Variants in PALM2AKAP2 observed in about 807,000 individuals in gnomAD.
PALM2AKAP2 encodes the protein PALM2-AKAP2 fusion protein.
A neutral mutation model predicts 71.5 loss-of-function variants in PALM2AKAP2; 37 were observed. The observed-to-expected ratio is 0.52, with a 90% CI of 0.40 to 0.68. PALM2AKAP2 has a LOEUF of 0.68. PALM2AKAP2 is among the 30% of genes least tolerant of loss of function. The pLI is 0.00. For missense variants in PALM2AKAP2, 1,224 were observed against 1,191.8 expected (o/e 1.03, Z -0.40); for synonymous variants, 468 against 478.8 (o/e 0.98, Z 0.29).
chr9:109,971,314 T>TTTTTTC (rs1832063840), intron 6 of PALM2AKAP2, among the ~76,000 whole-genome samples: 2 of 118,262 alleles, frequency 1.7e-5, no homozygotes, highest in East Asian at 2.6e-4. Context: ...TTTTTTTTTT[T>TTTTTTC]ACAGAGAAAA....
At chr9:110,162,474 C>T (rs1311830601) in intron 3 of PALM2AKAP2, among the ~76,000 whole-genome samples, 1 of 152,134 alleles carries the variant, frequency 6.6e-6, no homozygotes. Context: ...GCATTAATAG[C>T]AAGTATACTT....
chr9:110,125,438 G>A, intron 1 of PALM2AKAP2: 1 of 933,428 alleles, frequency 1.1e-6, no homozygotes, highest in South Asian at 4.9e-5. Flanking sequence ...TGTGTGAATG[G>A]CCTTTTAGGG....
intron 5 of PALM2AKAP2, among the ~76,000 whole-genome samples, chr9:109,928,411 C>G (rs193049793): frequency 6.6e-6 from 1 of 152,190 alleles, no homozygotes; most frequent in Non-Finnish European, 1.5e-5. Context: ...TAAGTTACTG[C>G]TTTCCACCTT....
intron 1 of PALM2AKAP2, among the ~76,000 whole-genome samples, chr9:109,675,644 C>A (rs1451914483): frequency 6.6e-6 from 1 of 152,186 alleles, no homozygotes; most frequent in African/African-American, 2.4e-5. Context: ...TGTAACATTG[C>A]AGTCAACTAG....
intron 1 of PALM2AKAP2, among the ~76,000 whole-genome samples, chr9:109,764,781 T>C (rs1391631014): frequency 6.6e-6 from 1 of 151,362 alleles, no homozygotes; most frequent in Non-Finnish European, 1.5e-5. Flanking sequence ...GATGGATGCA[T>C]GGGTAGATGA....
intron 6 of PALM2AKAP2, among the ~76,000 whole-genome samples, chr9:109,986,672 T>C (rs1832384554): frequency 6.6e-6 from 1 of 152,250 alleles, no homozygotes; most frequent in Non-Finnish European, 1.5e-5. Flanking sequence ...GACATTCTCT[T>C]GTATTATTTT....
intron 1 of PALM2AKAP2, among the ~76,000 whole-genome samples, chr9:109,708,385 C>T (rs1022024791): frequency 6.6e-6 from 1 of 152,186 alleles, no homozygotes; most frequent in African/African-American, 2.4e-5. Flanking sequence ...ATTGAATTCA[C>T]TCTTCATATT....
intron 1 of PALM2AKAP2, among the ~76,000 whole-genome samples, chr9:109,790,970 T>G (rs1827097424): frequency 6.6e-6 from 1 of 152,242 alleles, no homozygotes; most frequent in South Asian, 2.1e-4. Context: ...GTCTTGTTCA[T>G]GAACATTGAT....
intron 6 of PALM2AKAP2, among the ~76,000 whole-genome samples, chr9:110,000,736 T>A (rs1367796786): frequency 6.6e-6 from 1 of 152,232 alleles, no homozygotes; most frequent in Non-Finnish European, 1.5e-5. Context: ...CTCATTGTAG[T>A]TTTGATTTGC....
intron 1 of PALM2AKAP2, among the ~76,000 whole-genome samples, chr9:109,681,762 C>G (rs562588762): frequency 1.7e-4 from 26 of 152,228 alleles, no homozygotes; most frequent in Admixed American, 1.5e-3. Flanking sequence ...AAACCACATA[C>G]CAATTGTATA....
intron 1 of PALM2AKAP2, among the ~76,000 whole-genome samples, chr9:109,811,408 T>C (rs1321316147): frequency 2.0e-5 from 3 of 152,090 alleles, no homozygotes; most frequent in Admixed American, 6.6e-5. Flanking sequence ...AAGAGTGCTA[T>C]GCTTTATTTG....
At chr9:109,821,828 G>GCT (rs1828015026) in intron 1 of PALM2AKAP2, among the ~76,000 whole-genome samples, 1 of 152,142 alleles carries the variant, frequency 6.6e-6, no homozygotes, top group East Asian at 1.9e-4. Context: ...TTCTCTTAGG[G>GCT]ATCTTTGTAA....
intron 5 of PALM2AKAP2, 72 bp downstream of exon 5, chr9:109,925,154 G>T: frequency 6.2e-7 from 1 of 1,600,852 alleles, no homozygotes. Flanking sequence ...CATTAACAGG[G>T]GCTTAAGGAA....
chr9:109,726,916 A>C (rs1395915505), intron 1 of PALM2AKAP2, among the ~76,000 whole-genome samples: 1 of 152,202 alleles, frequency 6.6e-6, no homozygotes, highest in Non-Finnish European at 1.5e-5. Context: ...CCGGACAGTG[A>C]GATTTAGAAC....
intron 1 of PALM2AKAP2, among the ~76,000 whole-genome samples, chr9:109,735,152 T>C (rs954873872): frequency 8.7e-5 from 13 of 149,990 alleles, no homozygotes; most frequent in Non-Finnish European, 7.4e-5. Flanking sequence ...GTTCTCTGTG[T>C]CTTTGACTCT....
intron 1 of PALM2AKAP2, among the ~76,000 whole-genome samples, chr9:110,108,495 G>A (rs766033917): frequency 6.6e-6 from 1 of 152,116 alleles, no homozygotes; most frequent in African/African-American, 2.4e-5. Flanking sequence ...AAATGGAATA[G>A]GGTAGTTATT....
chr9:109,766,892 C>G (rs62578102), intron 1 of PALM2AKAP2, among the ~76,000 whole-genome samples: 2 of 151,974 alleles, frequency 1.3e-5, no homozygotes, highest in Admixed American at 6.6e-5. Flanking sequence ...ATGGAGCTGA[C>G]GTTGGAACCC....
chr9:109,684,287 C>T (rs948809210), intron 1 of PALM2AKAP2, among the ~76,000 whole-genome samples: 3 of 152,168 alleles, frequency 2.0e-5, no homozygotes, highest in African/African-American at 7.2e-5. Flanking sequence ...GCATCTAGGG[C>T]AGTGGTGCTC....
exon 3 of PALM2AKAP2, chr9:109,880,681 G>A: frequency 5.0e-6 from 8 of 1,613,630 alleles, no homozygotes; most frequent in South Asian, 1.1e-5. Context: ...AACATTCAGA[G>A]GTAGGTGGCT....
Sources: allele counts gnomAD v4.1 joint callset (sites outside exome capture counted in the v4.1 genomes callset), GRCh38; gene constraint gnomAD v4.1.1; transcripts MANE v1.5; gene names NCBI Gene and HGNC (gene_info 2026-07-23, HGNC 2026-07-21).